Variants in TSHR observed in about 807,000 individuals in gnomAD.
The protein encoded by TSHR is thyroid stimulating hormone receptor, also known as thyrotropin receptor.
TSHR carries 51 observed loss-of-function variants against 64.1 expected under a neutral mutation model. The ratio of observed to expected loss-of-function variants is 0.80; its 90% CI spans 0.64 to 1.01. TSHR has a LOEUF of 1.01. Ranked by LOEUF, TSHR falls within the 50% of genes least tolerant of loss-of-function variation. The pLI is 0.00. For synonymous variants in TSHR, 361 were observed against 361.9 expected, an observed-to-expected ratio of 1.00 and a Z score of 0.03; for missense variants, 877 against 942.8, an observed-to-expected ratio of 0.93 and a Z score of 0.91.
At chr14:80,966,897 G>A (rs1887340374) in intron 1 of TSHR, among the ~76,000 whole-genome samples, 2 of 152,054 alleles carry the variant, frequency 1.3e-5, no homozygotes, top group South Asian at 4.1e-4. Context: ...TCTTCACATA[G>A]CAAAAAGCCA....
intron 8 of TSHR, among the ~76,000 whole-genome samples, chr14:81,115,685 C>T (rs1190938868): frequency 3.3e-5 from 5 of 151,972 alleles, no homozygotes; most frequent in Non-Finnish European, 7.4e-5. Flanking sequence ...GAGAATGCCA[C>T]AAAGATACTC....
At position 81,019,923 on chromosome 14, in the gene TSHR, T is replaced by C. The variant is rs529184065; in HGVS notation, c.171-42225T>C. On this transcript the variant is annotated intron_variant, in intron 1 of 9. Transcript: ENST00000298171. The stretch of plus-strand genomic sequence containing the variant: ...TGAACAGTGCTGCAATAAACATACA[T>C]GTGCATGTGTCTTTATAGTAGAATG... Among the ~76,000 whole-genome samples, 13 of 152,334 alleles carry C rather than the reference T, an allele frequency of 8.5e-5. No individual in the cohort carries two copies. In the South Asian group the frequency reaches 1.9e-3, roughly 22 times the overall value.
intron 1 of TSHR, among the ~76,000 whole-genome samples, chr14:81,022,618 C>T (rs1460277217): frequency 1.3e-5 from 2 of 151,686 alleles, no homozygotes; most frequent in African/African-American, 2.4e-5. Flanking sequence ...GTCAGGAGAT[C>T]GAGACCATCC....
intron 1 of TSHR, chr14:80,983,533 T>C: frequency 7.6e-7 from 1 of 1,310,326 alleles, no homozygotes; most frequent in Non-Finnish European, 1.1e-6. Flanking sequence ...TTTATTAACA[T>C]AAAGGAGCAT....
At chr14:81,011,307 T>C (rs1484591487) in intron 1 of TSHR, among the ~76,000 whole-genome samples, 1 of 152,074 alleles carries the variant, frequency 6.6e-6, no homozygotes, top group Non-Finnish European at 1.5e-5. Context: ...GGTTAGTGCA[T>C]TTTTAGGGAC....
At chr14:81,057,602 A>T (rs1357223248) in intron 1 of TSHR, among the ~76,000 whole-genome samples, 1 of 152,222 alleles carries the variant, frequency 6.6e-6, no homozygotes, top group Non-Finnish European at 1.5e-5. Context: ...ACTCACATAG[A>T]ATAGTTCAGT....
At chr14:81,063,208 C>T (rs1036590870) in intron 2 of TSHR, among the ~76,000 whole-genome samples, 1 of 152,126 alleles carries the variant, frequency 6.6e-6, no homozygotes, top group African/African-American at 2.4e-5. Flanking sequence ...TCTTTGTTTT[C>T]CTTGATATTG....
intron 3 of TSHR, among the ~76,000 whole-genome samples, chr14:81,073,050 A>G (rs1350984172): frequency 7.2e-6 from 1 of 139,400 alleles, no homozygotes; most frequent in East Asian, 2.0e-4. Context: ...ATATATATAT[A>G]AAATGCACAC....
chr14:81,142,822 C>T, intron 9 of TSHR, 118 bp from the exon 10 acceptor site: 4 of 842,126 alleles, frequency 4.7e-6, no homozygotes, highest in Non-Finnish European at 8.1e-6. Flanking sequence ...GTTGCCCAGG[C>T]TGGTCTCAAA....
At chr14:81,111,311 T>G (rs900760669) in intron 8 of TSHR, among the ~76,000 whole-genome samples, 1 of 152,232 alleles carries the variant, frequency 6.6e-6, no homozygotes, top group African/African-American at 2.4e-5. Flanking sequence ...CATACGCTTC[T>G]TATCCTTGGA....
chr14:81,129,522 A>G (rs1891151494), intron 8 of TSHR, among the ~76,000 whole-genome samples: 1 of 152,016 alleles, frequency 6.6e-6, no homozygotes, highest in Non-Finnish European at 1.5e-5. Context: ...TAAATCATTC[A>G]CCCCAAGCAG....
intron 1 of TSHR, among the ~76,000 whole-genome samples, chr14:81,017,911 G>T (rs1228312276): frequency 6.7e-6 from 1 of 148,974 alleles, no homozygotes; most frequent in Admixed American, 6.7e-5. Context: ...CTCATTGCAA[G>T]CTCCGCCTCC....
chr14:81,009,804 C>T (rs984099824), intron 1 of TSHR, among the ~76,000 whole-genome samples: 1 of 152,024 alleles, frequency 6.6e-6, no homozygotes, highest in Non-Finnish European at 1.5e-5. Context: ...AGTTGTTCCA[C>T]AAAGTTGAGT....
chr14:80,956,265 GTTTCTC>G (rs1566735752), intron 1 of TSHR, among the ~76,000 whole-genome samples: 3 of 152,064 alleles, frequency 2.0e-5, no homozygotes, highest in Non-Finnish European at 2.9e-5. Context: ...TCTCCTTTTT[GTTTCTC>G]TAGATGGGAG....
At chr14:80,997,398 A>G (rs1257373947) in intron 1 of TSHR, among the ~76,000 whole-genome samples, 1 of 152,218 alleles carries the variant, frequency 6.6e-6, no homozygotes, top group African/African-American at 2.4e-5. Flanking sequence ...CTATTTTTAA[A>G]AAACAAGCAA....
At chr14:81,100,459 C>T (rs1355316839) in intron 7 of TSHR, among the ~76,000 whole-genome samples, 7 of 152,212 alleles carry the variant, frequency 4.6e-5, no homozygotes, top group Admixed American at 4.6e-4. Flanking sequence ...GTAATCAATT[C>T]TCCAATGCAC....
At chr14:81,031,123 C>G (rs2300526) in intron 1 of TSHR, among the ~76,000 whole-genome samples, 36,330 of 152,016 alleles carry the variant, frequency 0.24, 4,448 homozygotes, top group South Asian at 0.32. Context: ...TGCATAAACC[C>G]TAGTTCTTAT....
intron 7 of TSHR, among the ~76,000 whole-genome samples, chr14:81,107,859 T>A (rs892780060): frequency 1.3e-5 from 2 of 152,224 alleles, no homozygotes; most frequent in Non-Finnish European, 2.9e-5. Flanking sequence ...CAAATTTAAC[T>A]GGCATCTTGT....
rs1889213497 is a variant in TSHR at position 81,096,649 on chromosome 14, A to C, written c.556A>C (p.Asn186His). ...CNETLTLKLY[N>H]NGFTSVQGYA... is the part of the protein sequence containing the mutation. ...CTCTGTTGGTTGTAGGAAGCTGTAC[A>C]ACAATGGCTTTACTTCAGTCCAAGG... The change falls in exon 7 of 10, where the codon AAC becomes CAC. Residue 186 changes from asparagine (N) to histidine (H), a missense_variant. Physicochemically the swap from Asn to His is moderately conservative, Grantham distance 68 (BLOSUM62 1). Coordinates refer to ENST00000298171, the MANE Select transcript of TSHR (RefSeq NM_000369.5). The C allele has an allele frequency of 3.1e-6, 5 of 1,613,684 alleles. No individual in the cohort carries two copies. Among genetic ancestry groups the C allele is most frequent in the Non-Finnish European group, 3.4e-6 (4 of 1,179,726 alleles).
Sources: allele counts gnomAD v4.1 joint callset (sites outside exome capture counted in the v4.1 genomes callset), GRCh38; gene constraint gnomAD v4.1.1; transcripts MANE v1.5; gene names NCBI Gene and HGNC (gene_info 2026-07-23, HGNC 2026-07-21).